UNC13C: variants seen among roughly 807,000 people sequenced by gnomAD.
UNC13C encodes the protein unc-13 homolog C.
A neutral mutation model predicts 245.4 loss-of-function variants in UNC13C; 174 were observed. The observed-to-expected ratio is 0.71, with a 90% CI of 0.63 to 0.80. UNC13C has a LOEUF of 0.80. UNC13C is among the 30% of genes least tolerant of loss of function. The pLI is 0.00. For missense variants in UNC13C, 2,829 were observed against 2,602.9 expected (o/e 1.09, Z -1.89); for synonymous variants, 992 against 895.1 (o/e 1.11, Z -1.93).
At chr15:54,616,921 A>G (rs914442640) in intron 30 of UNC13C, among the ~76,000 whole-genome samples, 1 of 152,054 alleles carries the variant, frequency 6.6e-6, no homozygotes, top group Non-Finnish European at 1.5e-5. Context: ...TTTATACTAT[A>G]TCTTCTCTAT....
intron 17 of UNC13C, among the ~76,000 whole-genome samples, chr15:54,384,233 G>GCATCATGC (rs2039788665): frequency 6.6e-6 from 1 of 152,024 alleles, no homozygotes; most frequent in South Asian, 2.1e-4. Flanking sequence ...AAACCCGGAG[G>GCATCATGC]CATCATGCTA....
At chr15:54,368,298 G>A (rs987634574) in intron 17 of UNC13C, among the ~76,000 whole-genome samples, 5 of 152,056 alleles carry the variant, frequency 3.3e-5, no homozygotes, top group Non-Finnish European at 4.4e-5. Flanking sequence ...CTGCTACAGT[G>A]AGAATTATGA....
Position 54,546,829 on chromosome 15 carries a change from C to T in UNC13C, c.5804C>T (p.Pro1935Leu), listed in dbSNP as rs1896504470. Residue 1935 changes from proline to leucine, a missense_variant, in exon 27 of 33, where the codon CCT becomes CTT. Coordinates refer to ENST00000260323, the MANE Select transcript of UNC13C (RefSeq NM_001080534.3). ...NKIEKQIVLPPLTDQTGPQMI... is the reference protein window; with the variant it reads ...NKIEKQIVLPLLTDQTGPQMI... ...ATAGAAAAACAAATTGTTCTTCCTCCTCTGACAGATCAAACAGTAAGTATA... is the reference window on the plus strand; with the variant it reads ...ATAGAAAAACAAATTGTTCTTCCTCTTCTGACAGATCAAACAGTAAGTATA... 6.3e-7 allele frequency: 1 copy of T among 1,581,180 alleles called. No homozygotes were observed. The highest frequency in any genetic ancestry group is 1.2e-5 in the South Asian group (1 of 84,974).
intron 4 of UNC13C, among the ~76,000 whole-genome samples, chr15:54,147,220 C>CT (rs5812743): frequency 3.6e-4 from 47 of 130,620 alleles, no homozygotes; most frequent in African/African-American, 1.2e-3. Flanking sequence ...ATGAAACTAC[C>CT]TTTTTTTTTT....
At chr15:54,564,857 A>C (rs906651353) in intron 29 of UNC13C, among the ~76,000 whole-genome samples, 4 of 152,022 alleles carry the variant, frequency 2.6e-5, no homozygotes, top group Admixed American at 1.3e-4. Context: ...ACCTAGAGGC[A>C]GCACAAGTTT....
chr15:54,516,616 T>C (rs1894986840), intron 24 of UNC13C, among the ~76,000 whole-genome samples: 2 of 152,030 alleles, frequency 1.3e-5, no homozygotes, highest in Non-Finnish European at 2.9e-5. Context: ...CAGCCTAACA[T>C]GGCAAAATCC....
chr15:53,918,994 T>A, the UNC13C span, among the ~76,000 whole-genome samples: 1 of 152,222 alleles, frequency 6.6e-6, no homozygotes, highest in African/African-American at 2.4e-5. Context: ...TTGTTTCTGA[T>A]GATATATGAA....
At chr15:54,354,165 A>G (rs11637336) in intron 17 of UNC13C, among the ~76,000 whole-genome samples, 7,152 of 152,152 alleles carry the variant, frequency 0.047, 248 homozygotes, top group Admixed American at 0.11. Flanking sequence ...CTAAGCCTCA[A>G]TGTTTTCATT....
intron 18 of UNC13C, among the ~76,000 whole-genome samples, chr15:54,398,828 G>A (rs2040122930): frequency 6.6e-6 from 1 of 150,996 alleles, no homozygotes; most frequent in Non-Finnish European, 1.5e-5. Context: ...CCTTAATATT[G>A]ATATTTTGTG....
chr15:54,084,393 T>A (rs544926859), intron 2 of UNC13C, among the ~76,000 whole-genome samples: 2 of 152,362 alleles, frequency 1.3e-5, no homozygotes, highest in East Asian at 3.9e-4. Context: ...AACTCAGAAA[T>A]AATGGTCGTG....
intron 2 of UNC13C, among the ~76,000 whole-genome samples, chr15:54,044,647 G>A (rs563835213): frequency 9.2e-5 from 14 of 152,178 alleles, no homozygotes; most frequent in East Asian, 5.8e-4. Context: ...CATCCTGTTC[G>A]TGGTGAGGTG....
At chr15:54,192,065 T>C (rs2034203165) in intron 4 of UNC13C, among the ~76,000 whole-genome samples, 1 of 152,306 alleles carries the variant, frequency 6.6e-6, no homozygotes, top group South Asian at 2.1e-4. Flanking sequence ...TTGTCAATTT[T>C]GGCTTTTGTT....
intron 30 of UNC13C, among the ~76,000 whole-genome samples, chr15:54,613,291 T>C (rs1410671919): frequency 6.6e-6 from 1 of 151,908 alleles, no homozygotes; most frequent in Non-Finnish European, 1.5e-5. Flanking sequence ...AAGCAATCTA[T>C]AAATACAATG....
intron 13 of UNC13C, among the ~76,000 whole-genome samples, chr15:54,305,160 G>C (rs2140953667): frequency 6.6e-6 from 1 of 152,140 alleles, no homozygotes; most frequent in African/African-American, 2.4e-5. Context: ...GAGGGAATCA[G>C]AGGCAGAAGC....
At chr15:53,979,587 T>G (rs1208235414) in intron 1 of UNC13C, among the ~76,000 whole-genome samples, 1 of 152,160 alleles carries the variant, frequency 6.6e-6, no homozygotes, top group Non-Finnish European at 1.5e-5. Flanking sequence ...ACTTCTGCAA[T>G]TACATCATCA....
intron 18 of UNC13C, among the ~76,000 whole-genome samples, chr15:54,402,162 G>A (rs2040200915): frequency 6.6e-6 from 1 of 151,644 alleles, no homozygotes; most frequent in Non-Finnish European, 1.5e-5. Flanking sequence ...GCAGTTCATA[G>A]TGGGCAGAAT....
At chr15:54,261,590 T>C (rs1420674349) in intron 8 of UNC13C, among the ~76,000 whole-genome samples, 1 of 152,226 alleles carries the variant, frequency 6.6e-6, no homozygotes, top group South Asian at 2.1e-4. Flanking sequence ...TCGCCCAGGC[T>C]GCGGTGCAGT....
intron 4 of UNC13C, among the ~76,000 whole-genome samples, chr15:54,169,081 T>G (rs2033289442): frequency 6.6e-6 from 1 of 152,110 alleles, no homozygotes; most frequent in African/African-American, 2.4e-5. Context: ...AAGGAAACAT[T>G]TTACAGGGAA....
intron 19 of UNC13C, among the ~76,000 whole-genome samples, chr15:54,455,261 A>G (rs12917122): frequency 0.39 from 39,619 of 101,358 alleles, 9,928 homozygotes; most frequent in East Asian, 0.69. Context: ...ACTCATTGGT[A>G]GATGGGCATT....
Sources: gnomAD v4.1 joint callset for allele counts (sites outside exome capture counted in the v4.1 genomes callset) on GRCh38, gnomAD v4.1.1 for gene constraint, MANE v1.5 for transcripts, NCBI Gene and HGNC (gene_info 2026-07-23, HGNC 2026-07-21) for gene names.